The following IL1RAPL2 variants were observed in gnomAD, a reference collection of about 807,000 sequenced individuals.
IL1RAPL2 encodes interleukin 1 receptor accessory protein like 2.
Under a neutral mutation model 44.1 loss-of-function variants are expected in IL1RAPL2, and 3 were observed. The ratio of observed to expected loss-of-function variants is 0.07; its 90% CI spans 0.03 to 0.18. The LOEUF (loss-of-function observed/expected upper bound fraction) is 0.18, where lower values mean the gene tolerates loss of function less well. IL1RAPL2 is among the 10% of genes least tolerant of loss of function. The probability of loss-of-function intolerance (pLI) is 1.00; values close to 1 mark genes in which losing one functional copy is unlikely to be tolerated. For missense variants in IL1RAPL2, 391 were observed against 496.4 expected (o/e 0.79, Z 2.02); for synonymous variants, 181 against 178.8 (o/e 1.01, Z -0.10).
In IL1RAPL2 at chrX:105,692,670, A is replaced by G. The variant is rs1235174085; in HGVS notation, c.773-24697A>G. ...ATTTCAAAGAAATGAATGCTGAATG[A>G]AAAAAAAAAAAAGGTGGGAGAGATG... On this transcript the variant is annotated intron_variant, in intron 6 of 10. Coordinates refer to ENST00000372582, the MANE Select transcript of IL1RAPL2 (RefSeq NM_017416.2). 5.3e-4 allele frequency among the ~76,000 whole-genome samples: 20 copies of G among 37,555 alleles called. No individual in the cohort carries two copies. In the African/African-American group the frequency reaches 7.5e-3, roughly 14 times the overall value. The allele number at this position is 37,555 out of a possible 115,157, so 32.6% of individuals were successfully genotyped here.
chrX:104,593,126 A>C (rs1373019478), intron 1 of IL1RAPL2, among the ~76,000 whole-genome samples: 9 of 111,797 alleles, frequency 8.1e-5, no homozygotes, highest in African/African-American at 2.9e-4. Flanking sequence ...ACTGTCTTTC[A>C]GTATCTGCAG....
At chrX:105,504,148 C>G (rs758797411) in intron 6 of IL1RAPL2, among the ~76,000 whole-genome samples, 2 of 111,563 alleles carry the variant, frequency 1.8e-5, no homozygotes, top group African/African-American at 6.5e-5. Flanking sequence ...GTTTGCTGAG[C>G]TAAAATCTGA....
At chrX:104,855,428 A>G (rs1179460399) in intron 2 of IL1RAPL2, among the ~76,000 whole-genome samples, 1 of 111,295 alleles carries the variant, frequency 9.0e-6, no homozygotes, top group Non-Finnish European at 1.9e-5. Context: ...AGCCAAGGCC[A>G]ATATACAGTG....
intron 2 of IL1RAPL2, among the ~76,000 whole-genome samples, chrX:104,940,731 A>C (rs1925145836): frequency 9.4e-6 from 1 of 105,956 alleles, no homozygotes; most frequent in Admixed American, 1.0e-4. Context: ...TTTTTATTTT[A>C]TTTTATTTTA....
chrX:104,834,215 T>C (rs1466999398), intron 2 of IL1RAPL2, among the ~76,000 whole-genome samples: 1 of 112,109 alleles, frequency 8.9e-6, no homozygotes, highest in Non-Finnish European at 1.9e-5. Flanking sequence ...CTTCTGCTTA[T>C]TTGTGATGCC....
At chrX:105,317,971 T>A (rs1273181166) in intron 5 of IL1RAPL2, among the ~76,000 whole-genome samples, 1 of 107,869 alleles carries the variant, frequency 9.3e-6, no homozygotes, top group Admixed American at 9.9e-5. Context: ...CTTTCTTTCT[T>A]CTTCTTTTTT....
chrX:105,072,127 C>T (rs926805986), intron 2 of IL1RAPL2, among the ~76,000 whole-genome samples: 1 of 110,978 alleles, frequency 9.0e-6, no homozygotes, highest in Non-Finnish European at 1.9e-5. Context: ...AAGCTGTTCT[C>T]ATAAAAATGA....
chrX:104,949,002 C>T lies in IL1RAPL2; in HGVS notation c.83-246473C>T, dbSNP rs1925482036. On this transcript the variant is annotated intron_variant, in intron 2 of 10. Transcript: ENST00000372582. ...AGTTTCAGAAGGAATGGTACCAGTT[C>T]CTCCTTGTACCTCTGGTAGAATTCA... Among the ~76,000 whole-genome samples, 2 of 109,594 alleles carry T rather than the reference C, an allele frequency of 1.8e-5. 1 individual carries two copies. The highest frequency in any genetic ancestry group is 8.1e-4 in the South Asian group (2 of 2,465).
At chrX:105,243,366 T>G (rs988259278) in intron 4 of IL1RAPL2, among the ~76,000 whole-genome samples, 4 of 109,216 alleles carry the variant, frequency 3.7e-5, no homozygotes, top group Non-Finnish European at 5.7e-5. Flanking sequence ...CTGCCGTGAT[T>G]ATAAGTTTCC....
At chrX:104,637,742 A>G (rs766372137) in intron 1 of IL1RAPL2, among the ~76,000 whole-genome samples, 4 of 108,664 alleles carry the variant, frequency 3.7e-5, no homozygotes, top group South Asian at 4.0e-4. Flanking sequence ...TTCTGCATCT[A>G]TGTTCCTCAG....
intron 2 of IL1RAPL2, among the ~76,000 whole-genome samples, chrX:104,849,355 AATAT>A (rs375364495): frequency 1.5e-5 from 1 of 68,664 alleles, no homozygotes; most frequent in Non-Finnish European, 3.0e-5. Flanking sequence ...TGAACTATAT[AATAT>A]ATATATATGG....
intron 5 of IL1RAPL2, among the ~76,000 whole-genome samples, chrX:105,365,474 G>C (rs954859195): frequency 9.0e-6 from 1 of 111,059 alleles, no homozygotes; most frequent in South Asian, 3.8e-4. Context: ...GAGAAAGATT[G>C]GTATTAGTTA....
chrX:105,057,523 G>T (rs770241236), intron 2 of IL1RAPL2, among the ~76,000 whole-genome samples: 1 of 111,360 alleles, frequency 9.0e-6, no homozygotes, highest in East Asian at 2.8e-4. Context: ...CTATTTCTAG[G>T]AACATTTATT....
At chrX:105,531,690 G>T (rs1285432859) in intron 6 of IL1RAPL2, among the ~76,000 whole-genome samples, 1 of 111,813 alleles carries the variant, frequency 8.9e-6, no homozygotes, top group Non-Finnish European at 1.9e-5. Flanking sequence ...ATAGTTTGAG[G>T]TCTTAGATTT....
intron 1 of IL1RAPL2, among the ~76,000 whole-genome samples, chrX:104,595,523 T>C (rs1409912813): frequency 1.4e-4 from 16 of 111,723 alleles, no homozygotes; most frequent in Non-Finnish European, 2.8e-4. Flanking sequence ...GTATATGTAA[T>C]GTATTTAAAT....
At chrX:105,532,951 G>T (rs56337022) in intron 6 of IL1RAPL2, among the ~76,000 whole-genome samples, 7,502 of 110,473 alleles carry the variant, frequency 0.068, 635 homozygotes, top group African/African-American at 0.24. Flanking sequence ...CAGCACTTTG[G>T]GAGGCCGAGG....
chrX:105,293,630 GT>G (rs2034632383), intron 5 of IL1RAPL2, among the ~76,000 whole-genome samples: 1 of 111,720 alleles, frequency 9.0e-6, no homozygotes, highest in South Asian at 3.7e-4. Context: ...TGTTAAGCAT[GT>G]TTTCATATAA....
At chrX:105,540,123 A>T in intron 6 of IL1RAPL2, among the ~76,000 whole-genome samples, 1 of 111,693 alleles carries the variant, frequency 9.0e-6, no homozygotes, top group East Asian at 2.8e-4. Context: ...TGTGGAAAGC[A>T]ATTTTGAATT....
intron 2 of IL1RAPL2, among the ~76,000 whole-genome samples, chrX:104,799,864 T>C (rs952738168): frequency 1.8e-5 from 2 of 111,353 alleles, no homozygotes; most frequent in Admixed American, 9.6e-5. Flanking sequence ...TTTGGAAATA[T>C]ATATTATTAT....
Sources: allele counts gnomAD v4.1 joint callset (sites outside exome capture counted in the v4.1 genomes callset), GRCh38; gene constraint gnomAD v4.1.1; transcripts MANE v1.5; gene names NCBI Gene and HGNC (gene_info 2026-07-23, HGNC 2026-07-21).